CD109: variants seen among roughly 807,000 people sequenced by gnomAD.
CD109 encodes CD109 antigen.
A neutral mutation model predicts 165.8 loss-of-function variants in CD109; 149 were observed. That is an observed-to-expected ratio of 0.90 (90% CI 0.79 to 1.03). CD109 has a LOEUF of 1.03. CD109 is among the 50% of genes least tolerant of loss of function. The pLI is 0.00. For synonymous variants in CD109, 585 were observed against 592.1 expected, an observed-to-expected ratio of 0.99 and a Z score of 0.18; for missense variants, 1,712 against 1,677.8, an observed-to-expected ratio of 1.02 and a Z score of -0.36.
chr6:73,707,280 T>A (rs1771312689), intron 2 of CD109, among the ~76,000 whole-genome samples: 1 of 152,122 alleles, frequency 6.6e-6, no homozygotes, highest in Non-Finnish European at 1.5e-5. Flanking sequence ...TATGGATCAG[T>A]TGAAGAGGAA....
the CD109 span, among the ~76,000 whole-genome samples, chr6:73,680,082 G>A: frequency 9.9e-5 from 15 of 152,242 alleles, no homozygotes; most frequent in East Asian, 2.9e-3. Context: ...AGAATGTAAA[G>A]CCAAGACCAC....
chr6:73,772,619 T>C (rs1475090340), intron 15 of CD109, among the ~76,000 whole-genome samples: 1 of 151,586 alleles, frequency 6.6e-6, no homozygotes, highest in African/African-American at 2.4e-5. Flanking sequence ...CCAAGAAGTA[T>C]ATGAACATCT....
At chr6:73,748,814 G>A (rs1773078198) in intron 5 of CD109, among the ~76,000 whole-genome samples, 1 of 152,188 alleles carries the variant, frequency 6.6e-6, no homozygotes, top group Admixed American at 6.5e-5. Context: ...GGGAAGGAAA[G>A]GATGATGTAA....
rs1447576554 is a variant in CD109 at position 73,696,294 on chromosome 6, G to A, written c.74+5G>A. The A allele has an allele frequency of 6.7e-7, 1 of 1,500,984 alleles. No individual in the cohort carries two copies. 93.0% of individuals were successfully genotyped at this position (1,500,984 alleles called of 1,614,324 possible). ...CGCGCTGGCCGTGGCTCCCGGGTAG[G>A]AACGTGGGCGCGCGGGGGGCGCGCG... On this transcript the variant is annotated splice_donor_5th_base_variant and intron_variant, in intron 1 of 32. Coordinates refer to ENST00000287097, the MANE Select transcript of CD109 (RefSeq NM_133493.5).
intron 23 of CD109, among the ~76,000 whole-genome samples, chr6:73,797,815 C>T (rs1775218392): frequency 6.6e-6 from 1 of 152,116 alleles, no homozygotes; most frequent in African/African-American, 2.4e-5. Context: ...TCTTATCTGG[C>T]CCTTTATGAA....
rs536174710 is a variant in CD109 at position 73,805,817 on chromosome 6, C to G, written c.2961-1027C>G. ...TTACACAGCCCTTAATCCATTTAACCCTGAGTTGACACAGCACATGTTTCA... is the reference window on the plus strand; with the variant it reads ...TTACACAGCCCTTAATCCATTTAACGCTGAGTTGACACAGCACATGTTTCA... On this transcript the variant is annotated intron_variant, in intron 24 of 32. Transcript: ENST00000287097. 2.0e-5 allele frequency among the ~76,000 whole-genome samples: 3 copies of G among 152,222 alleles called. No homozygotes were observed. The South Asian group carries it at 6.2e-4, about 32-fold the overall frequency.
At chr6:73,773,813 T>C (rs535427080) in intron 15 of CD109, among the ~76,000 whole-genome samples, 21 of 152,296 alleles carry the variant, frequency 1.4e-4, no homozygotes, top group Non-Finnish European at 4.4e-5. Context: ...GAAATCTGTG[T>C]TGATTATTTC....
At chr6:73,789,711 C>T (rs1451328758) in intron 22 of CD109, among the ~76,000 whole-genome samples, 11 of 151,216 alleles carry the variant, frequency 7.3e-5, no homozygotes, top group Non-Finnish European at 1.3e-4. Flanking sequence ...CCACCCGCCT[C>T]GGCCTCCCAA....
chr6:73,785,724 G>A (rs1223039389), intron 20 of CD109, among the ~76,000 whole-genome samples: 1 of 151,970 alleles, frequency 6.6e-6, no homozygotes, highest in Non-Finnish European at 1.5e-5. Flanking sequence ...TGCCATGTAA[G>A]TTCCTTATTG....
rs144204533 is a variant in CD109 at position 73,823,734 on chromosome 6, T to G, written c.*101T>G. On this transcript the variant is annotated 3_prime_UTR_variant, in exon 33 of 33. Coordinates refer to ENST00000287097, the MANE Select transcript of CD109 (RefSeq NM_133493.5). ...TACTGCTTCTATTTTGAAAAAAGAG[T>G]TTTTTTTCTTTCTATGGGGTTGCAG... The G allele has an allele frequency of 3.2e-5, 37 of 1,154,214 alleles. No individual in the cohort carries two copies. In the African/African-American group the frequency reaches 5.1e-4, roughly 16 times the overall value. The allele number at this position is 1,154,214 out of a possible 1,614,324, so 71.5% of individuals were successfully genotyped here. A position where few individuals can be genotyped will look rare whatever the true frequency, so the allele number is the denominator to read the frequency against.
chr6:73,770,527 C>T (rs918850804), intron 14 of CD109, among the ~76,000 whole-genome samples: 1 of 152,042 alleles, frequency 6.6e-6, no homozygotes, highest in African/African-American at 2.4e-5. Context: ...GGCGGATCAC[C>T]TGTGGTCAGG....
chr6:73,753,522 TC>T (rs1283406813), intron 5 of CD109, among the ~76,000 whole-genome samples: 2 of 152,206 alleles, frequency 1.3e-5, no homozygotes, highest in Non-Finnish European at 1.5e-5. Flanking sequence ...ATAATTTATT[TC>T]TTGATTTGCA....
In CD109 at chr6:73,792,616, G is replaced by GAAC; in HGVS notation, c.2702-10_2702-9insAAC. Reference sequence around the variant, plus strand: ...ATTTACTGAATGAACTGCATGTCTTGTGCTTCCAGGAGATGTTCTTGGTCC... The same window carrying GAAC: ...ATTTACTGAATGAACTGCATGTCTTGAACTGCTTCCAGGAGATGTTCTTGGTCC... On this transcript the variant is annotated splice_polypyrimidine_tract_variant and intron_variant, in intron 22 of 32. Transcript: ENST00000287097. The GAAC allele has an allele frequency of 1.2e-6, 2 of 1,611,808 alleles. No homozygotes were observed. The highest frequency in any genetic ancestry group is 1.7e-6 in the Non-Finnish European group (2 of 1,179,720).
At chr6:73,791,124 TATACATACATAC>T (rs869120436) in intron 22 of CD109, among the ~76,000 whole-genome samples, 7 of 73,948 alleles carry the variant, frequency 9.5e-5, no homozygotes, top group Admixed American at 1.7e-4. Flanking sequence ...GAGGCATATA[TATACATACATAC>T]ATATATATAT....
intron 14 of CD109, among the ~76,000 whole-genome samples, chr6:73,769,549 T>G (rs1773966413): frequency 6.6e-6 from 1 of 152,256 alleles, no homozygotes; most frequent in African/African-American, 2.4e-5. Flanking sequence ...CTATATATCT[T>G]TCTCTTATTT....
At chr6:73,751,975 C>T (rs73754673) in intron 5 of CD109, among the ~76,000 whole-genome samples, 3,410 of 152,300 alleles carry the variant, frequency 0.022, 126 homozygotes, top group African/African-American at 0.076. Context: ...GGGGGCTAAA[C>T]GCAAAACTGA....
At chr6:73,783,014 T>C (rs933028847) in intron 18 of CD109, among the ~76,000 whole-genome samples, 43 of 152,040 alleles carry the variant, frequency 2.8e-4, no homozygotes, top group African/African-American at 1.0e-3. Context: ...TGATTTTGAC[T>C]TCCTTGAAGT....
upstream of CD109, chr6:73,695,489 T>C (rs1291990538): frequency 6.6e-6 from 1 of 152,206 alleles, no homozygotes; most frequent in East Asian, 1.9e-4. Flanking sequence ...TAATTTTTTT[T>C]CAGGGTTCCA....
At chr6:73,791,005 T>C in intron 22 of CD109, among the ~76,000 whole-genome samples, 1 of 151,552 alleles carries the variant, frequency 6.6e-6, no homozygotes. Context: ...GTCTTTAAGG[T>C]GTTAGGACCT....
Sources: gnomAD v4.1 joint callset for allele counts (sites outside exome capture counted in the v4.1 genomes callset) on GRCh38, gnomAD v4.1.1 for gene constraint, MANE v1.5 for transcripts, NCBI Gene and HGNC (gene_info 2026-07-23, HGNC 2026-07-21) for gene names.